BICC1: variants seen among roughly 807,000 people sequenced by gnomAD.
BICC1 encodes protein bicaudal C homolog 1.
In BICC1, 43 loss-of-function variants were observed where a neutral mutation model predicts 111.0. That is an observed-to-expected ratio of 0.39 (90% CI 0.30 to 0.50). BICC1 has a LOEUF of 0.50. Ranked by LOEUF, BICC1 falls within the 20% of genes least tolerant of loss-of-function variation. The probability of loss-of-function intolerance (pLI) is 0.88; values close to 1 mark genes in which losing one functional copy is unlikely to be tolerated. For synonymous variants in BICC1, 467 were observed against 434.4 expected (o/e 1.07, Z -0.93); for missense variants, 1,091 against 1,203.2 (o/e 0.91, Z 1.38).
chr10:58,724,333 T>C (rs1467046744), intron 3 of BICC1, among the ~76,000 whole-genome samples: 1 of 152,220 alleles, frequency 6.6e-6, no homozygotes, highest in Non-Finnish European at 1.5e-5. Flanking sequence ...AATCAAACTA[T>C]TCTCAGAGAA....
chr10:58,676,752 G>A (rs1839356038), intron 2 of BICC1, among the ~76,000 whole-genome samples: 1 of 152,178 alleles, frequency 6.6e-6, no homozygotes, highest in Admixed American at 6.5e-5. Context: ...CCTCCTGACT[G>A]GGAGACACCT....
At chr10:58,741,411 C>T (rs1841660033) in intron 3 of BICC1, among the ~76,000 whole-genome samples, 1 of 152,008 alleles carries the variant, frequency 6.6e-6, no homozygotes, top group Non-Finnish European at 1.5e-5. Flanking sequence ...TAATACATTT[C>T]TCAAATAAGG....
At chr10:58,659,238 T>C (rs901864634) in intron 2 of BICC1, among the ~76,000 whole-genome samples, 1 of 152,192 alleles carries the variant, frequency 6.6e-6, no homozygotes, top group Non-Finnish European at 1.5e-5. Flanking sequence ...TAATTGGGTA[T>C]GTACCCGAAG....
In BICC1 at chr10:58,633,652, T is replaced by TA. The variant is rs879854427; in HGVS notation, c.237+12759dup. On this transcript the variant is annotated intron_variant, in intron 2 of 20. Transcript: ENST00000373886. ...TCTGAACTTTTGATGATATGCAGTT[T>TA]AAAAAAAATGTATTTTCCAGGAAAA... Among the ~76,000 whole-genome samples the TA allele has an allele frequency of 1.7e-3, 262 of 152,124 alleles. 2 individuals are homozygous for TA. The highest frequency in any genetic ancestry group is 1.1e-3 in the Non-Finnish European group (78 of 67,982).
chr10:58,624,751 G>A (rs1845934746), intron 2 of BICC1, among the ~76,000 whole-genome samples: 1 of 151,924 alleles, frequency 6.6e-6, no homozygotes, highest in South Asian at 2.1e-4. Context: ...GCGCCACCAC[G>A]CCCAGTTAAT....
At chr10:58,741,106 G>A (rs1007234740) in intron 3 of BICC1, among the ~76,000 whole-genome samples, 1 of 152,168 alleles carries the variant, frequency 6.6e-6, no homozygotes, top group African/African-American at 2.4e-5. Flanking sequence ...TTACATAGAA[G>A]GCAGTGCTCA....
rs137931163 is a variant in BICC1, at chr10:58,579,067, T to C, written c.191-41788T>C. Among the ~76,000 whole-genome samples, 88 of 152,294 alleles carry C rather than the reference T, an allele frequency of 5.8e-4. No individual in the cohort carries two copies. In the Middle Eastern group the frequency reaches 0.01, roughly 18 times the overall value. ...TTTCAGACTTGTGCCCTGTTGAGAA[T>C]TGATGAGGAATCTAAAGGCCCCCTT... On this transcript the variant is annotated intron_variant, in intron 1 of 20. Coordinates refer to ENST00000373886, the MANE Select transcript of BICC1 (RefSeq NM_001080512.3).
intron 3 of BICC1, among the ~76,000 whole-genome samples, chr10:58,768,667 A>G (rs774194904): frequency 2.2e-5 from 3 of 139,016 alleles, no homozygotes; most frequent in Non-Finnish European, 4.6e-5. Context: ...TGGAGACACA[A>G]TATAAAAAAA....
chr10:58,679,119 A>T (rs575393857), intron 2 of BICC1, among the ~76,000 whole-genome samples: 20 of 152,216 alleles, frequency 1.3e-4, no homozygotes, highest in Non-Finnish European at 2.2e-4. Flanking sequence ...CATCACAATT[A>T]AAAGAACTAG....
intron 2 of BICC1, among the ~76,000 whole-genome samples, chr10:58,628,829 G>A (rs977065815): frequency 2.8e-4 from 42 of 152,170 alleles, no homozygotes; most frequent in African/African-American, 9.9e-4. Context: ...AGAAAAGGTT[G>A]GCTCCAATGT....
At chr10:58,721,682 G>C (rs1330722605) in intron 3 of BICC1, among the ~76,000 whole-genome samples, 1 of 152,140 alleles carries the variant, frequency 6.6e-6, no homozygotes, top group East Asian at 1.9e-4. Flanking sequence ...GCCATGGGGA[G>C]GAGCAAGAAG....
chr10:58,691,216 G>A (rs1406334582), intron 2 of BICC1, among the ~76,000 whole-genome samples: 1 of 152,082 alleles, frequency 6.6e-6, no homozygotes, highest in African/African-American at 2.4e-5. Flanking sequence ...TCTCCAGGCA[G>A]TGTGCTTTAC....
chr10:58,722,037 GC>G (rs751696149), intron 3 of BICC1, among the ~76,000 whole-genome samples: 3 of 152,216 alleles, frequency 2.0e-5, no homozygotes, highest in Non-Finnish European at 4.4e-5. Flanking sequence ...ACAGTAATGA[GC>G]TTTAGAATTT....
At chr10:58,533,663 C>T (rs1564474915) in intron 1 of BICC1, among the ~76,000 whole-genome samples, 2 of 151,652 alleles carry the variant, frequency 1.3e-5, no homozygotes, top group East Asian at 1.9e-4. Flanking sequence ...TACCATTATG[C>T]CTGCCTTATA....
At chr10:58,797,905 A>T (rs1178449553) in intron 10 of BICC1, among the ~76,000 whole-genome samples, 1 of 152,194 alleles carries the variant, frequency 6.6e-6, no homozygotes, top group South Asian at 2.1e-4. Flanking sequence ...GTTTTGAGAT[A>T]CATTTAGGAA....
At chr10:58,698,916 A>G (rs1190527373) in intron 2 of BICC1, among the ~76,000 whole-genome samples, 1 of 152,206 alleles carries the variant, frequency 6.6e-6, no homozygotes, top group Non-Finnish European at 1.5e-5. Flanking sequence ...CCCTGCTCAT[A>G]ATGGCTAGAT....
intron 2 of BICC1, among the ~76,000 whole-genome samples, chr10:58,682,875 A>C (rs143967004): frequency 0.011 from 1,700 of 151,948 alleles, 34 homozygotes; most frequent in African/African-American, 0.039. Context: ...TGTGCAGAAG[A>C]TATTTAGTTT....
Position 58,789,301 on chromosome 10 carries a change from G to T in BICC1, c.640G>T (p.Ala214Ser). ...PLVLMFELPI[A>S]GILQPVPDPN... is the part of the protein sequence containing the mutation. ...GGTGCTGATGTTTGAGCTACCAATT[G>T]CTGGAATTCTTCAACCGGTTCCTGA... is the stretch of plus-strand genomic sequence containing the variant. The change falls in exon 7 of 21, where the codon GCT becomes TCT. Residue 214 changes from alanine to serine, a missense_variant. Transcript: ENST00000373886. 1 of 1,613,896 alleles carries T rather than the reference G, an allele frequency of 6.2e-7. No homozygotes were observed. The highest frequency in any genetic ancestry group is 8.5e-7 in the Non-Finnish European group (1 of 1,179,918).
chr10:58,543,537 C>T (rs1195883933), intron 1 of BICC1, among the ~76,000 whole-genome samples: 1 of 152,092 alleles, frequency 6.6e-6, no homozygotes, highest in African/African-American at 2.4e-5. Flanking sequence ...TAGACAGGGT[C>T]TGGCTCCTGT....
Sources: allele counts gnomAD v4.1 joint callset (sites outside exome capture counted in the v4.1 genomes callset), GRCh38; gene constraint gnomAD v4.1.1; transcripts MANE v1.5; gene names NCBI Gene and HGNC (gene_info 2026-07-23, HGNC 2026-07-21).